The following LDLRAD3 variants were observed in gnomAD, a reference collection of about 807,000 sequenced individuals.
The protein encoded by LDLRAD3 is low-density lipoprotein receptor class A domain-containing protein 3.
In LDLRAD3, 20 loss-of-function variants were observed where a neutral mutation model predicts 29.4. That is an observed-to-expected ratio of 0.68 (90% CI 0.48 to 0.99). The LOEUF is 0.99. LDLRAD3 is among the 50% of genes least tolerant of loss of function. The probability of loss-of-function intolerance (pLI) is 0.00; values close to 1 mark genes in which losing one functional copy is unlikely to be tolerated. For missense variants in LDLRAD3, 420 were observed against 454.3 expected (o/e 0.92, Z 0.69); for synonymous variants, 157 against 192.7 (o/e 0.81, Z 1.53).
At chr11:36,106,752 A>G (rs1469842219) in intron 4 of LDLRAD3, among the ~76,000 whole-genome samples, 1 of 152,200 alleles carries the variant, frequency 6.6e-6, no homozygotes, top group East Asian at 1.9e-4. Context: ...CCCCAAACCC[A>G]CCACCACCAT....
chr11:36,211,069 T>C (rs1855278196), intron 4 of LDLRAD3, among the ~76,000 whole-genome samples: 1 of 152,228 alleles, frequency 6.6e-6, no homozygotes, highest in Admixed American at 6.5e-5. Context: ...ATTGTAGTAT[T>C]GGTCTCCTCA....
intron 2 of LDLRAD3, among the ~76,000 whole-genome samples, chr11:36,037,879 A>G (rs1394326890): frequency 6.6e-6 from 1 of 152,144 alleles, no homozygotes. Flanking sequence ...TGAATTGATC[A>G]CTATACACAC....
At chr11:35,984,633 T>G (rs1014243316) in intron 1 of LDLRAD3, among the ~76,000 whole-genome samples, 3 of 152,128 alleles carry the variant, frequency 2.0e-5, no homozygotes, top group Non-Finnish European at 4.4e-5. Context: ...ATTGTTCTTT[T>G]TGTTTGTTTG....
intron 3 of LDLRAD3, among the ~76,000 whole-genome samples, chr11:36,095,453 T>G (rs138236805): frequency 3.7e-4 from 56 of 152,356 alleles, no homozygotes; most frequent in African/African-American, 1.3e-3. Context: ...GCTGTTCCTC[T>G]TATGTCAATT....
chr11:35,949,723 C>T (rs1041798751), intron 1 of LDLRAD3, among the ~76,000 whole-genome samples: 1 of 152,038 alleles, frequency 6.6e-6, no homozygotes, highest in Admixed American at 6.5e-5. Context: ...CTGTTCCAAA[C>T]CTTCCTTAAG....
chr11:36,210,752 G>A (rs1328040337), intron 4 of LDLRAD3, among the ~76,000 whole-genome samples: 1 of 152,158 alleles, frequency 6.6e-6, no homozygotes, highest in Non-Finnish European at 1.5e-5. Context: ...GGGAGGTGGT[G>A]GTGGCAAGAA....
At chr11:36,144,198 C>T (rs1455046074) in intron 4 of LDLRAD3, among the ~76,000 whole-genome samples, 8 of 151,904 alleles carry the variant, frequency 5.3e-5, no homozygotes, top group South Asian at 2.1e-4. Flanking sequence ...CCCGAGGTGC[C>T]GGGATGGCAG....
Position 36,229,328 on chromosome 11 carries a change from G to C in LDLRAD3, c.969G>C (p.Gln323His). Reference sequence around the variant, plus strand: ...AAGACACCAGCCACAGCCCGGGGCAGCCTGGCCCCCAGGAGGGCACTGCTG... The same window carrying C: ...AAGACACCAGCCACAGCCCGGGGCACCCTGGCCCCCAGGAGGGCACTGCTG... ...SVEDTSHSPG[Q>H]PGPQEGTAEP... The change falls in exon 6 of 6, where the codon CAG becomes CAC. Residue 323 changes from glutamine to histidine, a missense_variant. By Grantham distance (24) the Gln-to-His change is conservative. Transcript: ENST00000315571. The C allele has an allele frequency of 1.2e-6, 2 of 1,614,126 alleles. No individual in the cohort carries two copies. The highest frequency in any genetic ancestry group is 1.7e-6 in the Non-Finnish European group (2 of 1,180,030).
chr11:36,084,191 C>T (rs1853162251), intron 3 of LDLRAD3, among the ~76,000 whole-genome samples: 1 of 152,210 alleles, frequency 6.6e-6, no homozygotes, highest in Non-Finnish European at 1.5e-5. Flanking sequence ...TCCCAAAGTG[C>T]TGGGATTATA....
rs1364107213 is a variant in LDLRAD3, at chr11:36,061,124, C to T, written c.194-20529C>T. 2.6e-5 allele frequency among the ~76,000 whole-genome samples: 4 copies of T among 152,116 alleles called. No individual in the cohort carries two copies. The East Asian group carries it at 5.8e-4, about 22-fold the overall frequency. On this transcript the variant is annotated intron_variant, in intron 2 of 5. Coordinates refer to ENST00000315571, the MANE Select transcript of LDLRAD3 (RefSeq NM_174902.4). ...GTGTCTTCTTCCTCTTCCTCATTTACGGTAAAGATGAGGAAATCTTTTTTT... is the reference window on the plus strand; with the variant it reads ...GTGTCTTCTTCCTCTTCCTCATTTATGGTAAAGATGAGGAAATCTTTTTTT...
chr11:35,981,390 C>T lies in LDLRAD3; in HGVS notation c.46+37246C>T, dbSNP rs544163427. The stretch of plus-strand genomic sequence containing the variant: ...TTCATTTGCAAAATGGAGGCAATAA[C>T]GACCTCAGTGGGTGGCTGTGGGGAT... On this transcript the variant is annotated intron_variant, in intron 1 of 5. Coordinates refer to ENST00000315571, the MANE Select transcript of LDLRAD3 (RefSeq NM_174902.4). 8.1e-4 allele frequency among the ~76,000 whole-genome samples: 123 copies of T among 152,190 alleles called. 1 individual carries two copies. Among genetic ancestry groups the T allele is most frequent in the African/African-American group, 8.9e-4 (37 of 41,542 alleles).
intron 2 of LDLRAD3, among the ~76,000 whole-genome samples, chr11:36,042,946 T>C (rs997209450): frequency 2.0e-5 from 3 of 152,170 alleles, no homozygotes; most frequent in Non-Finnish European, 4.4e-5. Context: ...GCTGTCCAAT[T>C]TGTGGTACTT....
chr11:36,206,986 A>G (rs1301242822), intron 4 of LDLRAD3, among the ~76,000 whole-genome samples: 2 of 152,108 alleles, frequency 1.3e-5, no homozygotes, highest in Non-Finnish European at 2.9e-5. Context: ...TTGGCCTCCC[A>G]AAGTGCTGGG....
intron 1 of LDLRAD3, among the ~76,000 whole-genome samples, chr11:36,018,597 A>G (rs1373169321): frequency 6.6e-6 from 1 of 152,168 alleles, no homozygotes; most frequent in Non-Finnish European, 1.5e-5. Context: ...TATATTTCTA[A>G]GGCTAGATTC....
At chr11:36,017,756 C>T (rs903297031) in intron 1 of LDLRAD3, among the ~76,000 whole-genome samples, 4 of 152,076 alleles carry the variant, frequency 2.6e-5, no homozygotes, top group Non-Finnish European at 5.9e-5. Flanking sequence ...AACTCCCGAC[C>T]TCAAGTGATC....
At chr11:36,028,569 GA>G (rs1412150770) in intron 1 of LDLRAD3, among the ~76,000 whole-genome samples, 1 of 152,000 alleles carries the variant, frequency 6.6e-6, no homozygotes, top group Non-Finnish European at 1.5e-5. Context: ...AAATGGTTGG[GA>G]AAAAAATCAG....
At chr11:36,076,523 C>G (rs887764772) in intron 2 of LDLRAD3, among the ~76,000 whole-genome samples, 11 of 152,018 alleles carry the variant, frequency 7.2e-5, no homozygotes, top group Admixed American at 2.0e-4. Flanking sequence ...GTGGCTGGGA[C>G]TACAGGTGCC....
chr11:36,171,140 A>T (rs908490833), intron 4 of LDLRAD3, among the ~76,000 whole-genome samples: 1 of 151,858 alleles, frequency 6.6e-6, no homozygotes, highest in African/African-American at 2.4e-5. Flanking sequence ...ATTTGATGAG[A>T]TTATTTGTTT....
intron 4 of LDLRAD3, among the ~76,000 whole-genome samples, chr11:36,210,420 G>A (rs1461068912): frequency 6.6e-6 from 1 of 152,038 alleles, no homozygotes; most frequent in African/African-American, 2.4e-5. Flanking sequence ...TCTGTCTTAG[G>A]TGTTTCGAGG....
Sources: gnomAD v4.1 joint callset for allele counts (sites outside exome capture counted in the v4.1 genomes callset) on GRCh38, gnomAD v4.1.1 for gene constraint, MANE v1.5 for transcripts, NCBI Gene and HGNC (gene_info 2026-07-23, HGNC 2026-07-21) for gene names.